RANBP2: variants seen among roughly 807,000 people sequenced by gnomAD.
RANBP2 encodes RAN binding protein 2, also known as E3 SUMO-protein ligase RanBP2.
In RANBP2, 57 loss-of-function variants were observed where a neutral mutation model predicts 303.6. That is an observed-to-expected ratio of 0.19 (90% CI 0.15 to 0.23). The LOEUF is 0.23. Among genes scored for constraint, RANBP2 ranks in the 10% least tolerant of loss-of-function variants. RANBP2 has a pLI of 1.00. For synonymous variants in RANBP2, 1,167 were observed against 1,301.5 expected, an observed-to-expected ratio of 0.90 and a Z score of 2.23; for missense variants, 3,138 against 3,780.8, an observed-to-expected ratio of 0.83 and a Z score of 4.46.
the RANBP2 span, among the ~76,000 whole-genome samples, chr2:109,547,948 G>T: frequency 1.3e-5 from 2 of 152,136 alleles, no homozygotes; most frequent in Admixed American, 1.3e-4. Context: ...ATGTGCTGGG[G>T]TAACTGTGGG....
chr2:109,161,113 G>A, the RANBP2 span, among the ~76,000 whole-genome samples: 60 of 152,340 alleles, frequency 3.9e-4, no homozygotes, highest in African/African-American at 1.4e-3. Context: ...GAAGCCGTTT[G>A]AGGCTTCCTG....
chr2:109,375,402 C>T, the RANBP2 span, among the ~76,000 whole-genome samples: 1 of 152,228 alleles, frequency 6.6e-6, no homozygotes, highest in Non-Finnish European at 1.5e-5. Context: ...CGCCCCTTGC[C>T]AGGAGCCTAG....
chr2:109,103,946 A>G, the RANBP2 span, among the ~76,000 whole-genome samples: 1 of 151,932 alleles, frequency 6.6e-6, no homozygotes, highest in African/African-American at 2.4e-5. Flanking sequence ...GGCGCCCGCC[A>G]CCACACCCAG....
At chr2:109,233,598 T>A in the RANBP2 span, among the ~76,000 whole-genome samples, 2 of 152,356 alleles carry the variant, frequency 1.3e-5, no homozygotes, top group East Asian at 3.8e-4. Context: ...TGTCCAGGCT[T>A]GAGGGTGGGG....
At chr2:109,243,462 G>T in the RANBP2 span, among the ~76,000 whole-genome samples, 1 of 152,194 alleles carries the variant, frequency 6.6e-6, no homozygotes, top group Non-Finnish European at 1.5e-5. Context: ...TATTCTCCTC[G>T]TGTGCATTCC....
chr2:109,313,854 C>A, the RANBP2 span, among the ~76,000 whole-genome samples: 5 of 152,112 alleles, frequency 3.3e-5, no homozygotes, highest in Admixed American at 6.5e-5. Context: ...GAGGTGGGCT[C>A]AGCCAGAGCA....
chr2:109,471,442 A>G, the RANBP2 span, among the ~76,000 whole-genome samples: 3 of 152,154 alleles, frequency 2.0e-5, no homozygotes, highest in East Asian at 5.8e-4. Context: ...CTCACTCACT[A>G]TCACAAGAAC....
At chr2:109,139,470 G>C in the RANBP2 span, among the ~76,000 whole-genome samples, 1 of 152,188 alleles carries the variant, frequency 6.6e-6, no homozygotes, top group Non-Finnish European at 1.5e-5. Flanking sequence ...TGTATCCTGA[G>C]CGGCATCCCC....
At chr2:109,414,437 G>A in the RANBP2 span, among the ~76,000 whole-genome samples, 5,336 of 152,162 alleles carry the variant, frequency 0.035, 192 homozygotes, top group African/African-American at 0.089. Context: ...TTTCAGGCAG[G>A]AGGGTAAACC....
the RANBP2 span, among the ~76,000 whole-genome samples, chr2:109,384,117 G>C: frequency 6.6e-6 from 1 of 152,164 alleles, no homozygotes; most frequent in African/African-American, 2.4e-5. Flanking sequence ...TCCCACTGCT[G>C]GGCAGGGCAG....
the RANBP2 span, among the ~76,000 whole-genome samples, chr2:109,431,481 G>A: frequency 6.6e-6 from 1 of 152,242 alleles, no homozygotes; most frequent in Non-Finnish European, 1.5e-5. Context: ...TATAGGTATA[G>A]TTAAGTATTT....
the RANBP2 span, among the ~76,000 whole-genome samples, chr2:109,232,231 A>G: frequency 6.6e-6 from 1 of 152,230 alleles, no homozygotes; most frequent in Non-Finnish European, 1.5e-5. Context: ...CTACCACCCA[A>G]CAACATAGGA....
chr2:109,546,195 C>T, the RANBP2 span: 1 of 1,604,624 alleles, frequency 6.2e-7, no homozygotes. Context: ...TTCATTCTCT[C>T]TTCTTGGTGA....
At chr2:109,615,773 C>T in the RANBP2 span, 1 of 1,614,098 alleles carries the variant, frequency 6.2e-7, no homozygotes, top group Non-Finnish European at 8.5e-7. Flanking sequence ...CCTACAAACT[C>T]TCACACGCCC....
chr2:109,648,809 A>G, the RANBP2 span, among the ~76,000 whole-genome samples: 1 of 151,152 alleles, frequency 6.6e-6, no homozygotes. Context: ...ACGTGCCACC[A>G]CTTCGGGCTC....
the RANBP2 span, among the ~76,000 whole-genome samples, chr2:108,815,479 T>TG: frequency 0.01 from 1,460 of 144,272 alleles, 35 homozygotes; most frequent in African/African-American, 0.035. Context: ...TTTTTTTTTT[T>TG]TTTTTGAGAT....
At chr2:108,742,052 A>G (rs1272211192) in intron 7 of RANBP2, among the ~76,000 whole-genome samples, 1 of 151,864 alleles carries the variant, frequency 6.6e-6, no homozygotes, top group Non-Finnish European at 1.5e-5. Context: ...GCTGGAGTGC[A>G]GTGGCGCGAT....
At chr2:109,654,163 A>G in the RANBP2 span, among the ~76,000 whole-genome samples, 2 of 152,064 alleles carry the variant, frequency 1.3e-5, no homozygotes, top group Non-Finnish European at 2.9e-5. Context: ...TCAGATTCAT[A>G]TAAATCCATC....
chr2:108,851,728 T>A, the RANBP2 span, among the ~76,000 whole-genome samples: 1 of 152,190 alleles, frequency 6.6e-6, no homozygotes, highest in Non-Finnish European at 1.5e-5. Context: ...ATTAGAGTCC[T>A]GGCTTGGGCC....
Sources: allele counts gnomAD v4.1 joint callset (sites outside exome capture counted in the v4.1 genomes callset), GRCh38; gene constraint gnomAD v4.1.1; transcripts MANE v1.5; gene names NCBI Gene and HGNC (gene_info 2026-07-23, HGNC 2026-07-21).